ZNHIT6: variants seen among roughly 807,000 people sequenced by gnomAD.
ZNHIT6 encodes the protein zinc finger HIT-type containing 6.
A neutral mutation model predicts 57.2 loss-of-function variants in ZNHIT6; 45 were observed. The observed-to-expected ratio is 0.79, with a 90% confidence interval of 0.62 to 1.01. ZNHIT6 has a LOEUF of 1.01. Ranked by LOEUF, ZNHIT6 falls within the 50% of genes least tolerant of loss-of-function variation. ZNHIT6 has a pLI of 0.00. For synonymous variants in ZNHIT6, 188 were observed against 190.0 expected, an observed-to-expected ratio of 0.99 and a Z score of 0.09; for missense variants, 528 against 567.3, an observed-to-expected ratio of 0.93 and a Z score of 0.70.
intron 5 of ZNHIT6, among the ~76,000 whole-genome samples, chr1:85,688,226 T>A (rs1662120517): frequency 6.6e-6 from 1 of 152,134 alleles, no homozygotes; most frequent in Non-Finnish European, 1.5e-5. Flanking sequence ...AGGTAAAATA[T>A]TATTATTTCA....
intron 8 of ZNHIT6, among the ~76,000 whole-genome samples, chr1:85,668,270 G>A (rs1309655878): frequency 1.3e-5 from 2 of 151,774 alleles, no homozygotes; most frequent in African/African-American, 4.8e-5. Flanking sequence ...CATGATGGAC[G>A]AGCACTGATG....
Position 85,680,835 on chromosome 1 carries a change from C to T in ZNHIT6, c.1088+1G>A. The T allele has an allele frequency of 1.9e-6, 3 of 1,608,432 alleles. No individual in the cohort carries two copies. Among genetic ancestry groups the T allele is most frequent in the South Asian group, 1.1e-5 (1 of 89,658 alleles). On this transcript the variant is annotated splice_donor_variant, in intron 6 of 9. Transcript: ENST00000370574. LOFTEE classifies it high-confidence loss of function. ...CAGTGATTGAAAGATAGCAGTGATACCTTTTTTCTATGTACTCAGCTTGAC... is the reference window on the plus strand; with the variant it reads ...CAGTGATTGAAAGATAGCAGTGATATCTTTTTTCTATGTACTCAGCTTGAC...
Position 85,707,723 on chromosome 1 carries a change from A to T in ZNHIT6, c.562T>A (p.Phe188Ile), listed in dbSNP as rs763016827. 56 of 1,612,430 alleles carry T rather than the reference A, an allele frequency of 3.5e-5. No homozygotes were observed. Among genetic ancestry groups the T allele is most frequent in the Non-Finnish European group, 4.7e-5 (55 of 1,179,552 alleles). Residue 188 changes from phenylalanine (F) to isoleucine (I), a missense_variant, in exon 1 of 10, where the codon TTC (phenylalanine) becomes ATC (isoleucine). Transcript: ENST00000370574. ...TCATCCACGATTTCTTTCTTCAGGA[A>T]ATCCTTCTCTTCTTTTACACACTCT... ...HGECVKEEKD[F>I]LKKEIVDDTK...
chr1:85,659,736 C>T (rs2100648527), intron 8 of ZNHIT6, among the ~76,000 whole-genome samples: 1 of 152,296 alleles, frequency 6.6e-6, no homozygotes, highest in Non-Finnish European at 1.5e-5. Context: ...CTGAGTTTGT[C>T]TCACGCAATC....
Position 85,651,722 on chromosome 1 carries a change from T to C in ZNHIT6, c.*2336A>G, listed in dbSNP as rs903472804. On this transcript the variant is annotated 3_prime_UTR_variant, in exon 10 of 10. Transcript: ENST00000370574. ...TGTGATTCATGAACAAAATGCAGGA[T>C]GCTGAACTTAACATGGGTCAAGGAG... 1 of 152,182 alleles carries C rather than the reference T, an allele frequency of 6.6e-6. No individual in the cohort carries two copies. Among genetic ancestry groups the C allele is most frequent in the Non-Finnish European group, 1.5e-5 (1 of 68,032 alleles). 9.4% of individuals were successfully genotyped at this position (152,182 alleles called of 1,614,324 possible).
At chr1:85,669,293 A>G (rs567713533) in intron 8 of ZNHIT6, among the ~76,000 whole-genome samples, 27 of 152,236 alleles carry the variant, frequency 1.8e-4, no homozygotes, top group African/African-American at 6.0e-4. Flanking sequence ...TCAATTTCTC[A>G]AAAAGGAGAT....
At chr1:85,683,632 TAAGACTG>T (rs1661942622) in intron 5 of ZNHIT6, among the ~76,000 whole-genome samples, 1 of 152,184 alleles carries the variant, frequency 6.6e-6, no homozygotes, top group East Asian at 1.9e-4. Flanking sequence ...GTGTTCTTCT[TAAGACTG>T]AAAGAATTAA....
At chr1:85,697,739 C>A (rs1050211605) in intron 5 of ZNHIT6, among the ~76,000 whole-genome samples, 6 of 152,110 alleles carry the variant, frequency 3.9e-5, no homozygotes, top group Admixed American at 2.6e-4. Flanking sequence ...TAACAACAAA[C>A]AAAATCCCAT....
Position 85,706,232 on chromosome 1 carries a change from T to A in ZNHIT6, c.829+17A>T. 6.2e-7 allele frequency: 1 copy of A among 1,609,812 alleles called. No homozygotes were observed. Among genetic ancestry groups the A allele is most frequent in the African/African-American group, 1.3e-5 (1 of 74,982 alleles). On this transcript the variant is annotated intron_variant, in intron 3 of 9. Transcript: ENST00000370574. ...ATGGCCAGGAAGCCTCAATTTGCTA[T>A]GCATAAAGTGGCTTACCACTTAGGA...
At chr1:85,681,835 TCA>T (rs1661885447) in intron 5 of ZNHIT6, among the ~76,000 whole-genome samples, 1 of 152,134 alleles carries the variant, frequency 6.6e-6, no homozygotes, top group Non-Finnish European at 1.5e-5. Context: ...GTCTAAAATC[TCA>T]GAGGAAAAAA....
chr1:85,691,346 TTGAAA>T (rs1662212944), intron 5 of ZNHIT6, among the ~76,000 whole-genome samples: 2 of 152,242 alleles, frequency 1.3e-5, no homozygotes, highest in South Asian at 2.1e-4. Context: ...TGAGGAATAC[TTGAAA>T]TGAATTATAT....
At chr1:85,659,792 G>T (rs1050180463) in intron 8 of ZNHIT6, among the ~76,000 whole-genome samples, 2 of 152,162 alleles carry the variant, frequency 1.3e-5, no homozygotes, top group Non-Finnish European at 2.9e-5. Flanking sequence ...AAAATGCAGA[G>T]CCAAGCTTAC....
intron 8 of ZNHIT6, among the ~76,000 whole-genome samples, chr1:85,672,013 C>T (rs1316853063): frequency 6.6e-6 from 1 of 152,074 alleles, no homozygotes; most frequent in East Asian, 1.9e-4. Flanking sequence ...GTATACTACA[C>T]AGATTATGTA....
chr1:85,656,077 C>T (rs1661052507), intron 9 of ZNHIT6, among the ~76,000 whole-genome samples: 1 of 152,146 alleles, frequency 6.6e-6, no homozygotes, highest in Non-Finnish European at 1.5e-5. Flanking sequence ...CCTCTTCTTA[C>T]ATAATCCCCT....
intron 4 of ZNHIT6, 146 bp downstream of exon 4, chr1:85,705,932 T>C (rs1400988440): frequency 9.1e-6 from 6 of 655,838 alleles, no homozygotes; most frequent in South Asian, 6.6e-5. Context: ...GGACGGACTT[T>C]GTTTGGGTCA....
chr1:85,660,462 C>G (rs1661194241), intron 8 of ZNHIT6, among the ~76,000 whole-genome samples: 1 of 152,072 alleles, frequency 6.6e-6, no homozygotes. Flanking sequence ...AATTGGGTTT[C>G]TCTAGATTTC....
intron 8 of ZNHIT6, among the ~76,000 whole-genome samples, chr1:85,659,041 C>T (rs569528540): frequency 1.2e-4 from 18 of 152,176 alleles, no homozygotes; most frequent in African/African-American, 3.9e-4. Context: ...TAACTGGTTA[C>T]AAAATTGGCT....
intron 9 of ZNHIT6, among the ~76,000 whole-genome samples, chr1:85,656,283 A>G (rs910980479): frequency 1.3e-5 from 2 of 152,216 alleles, no homozygotes; most frequent in African/African-American, 4.8e-5. Flanking sequence ...TTCTTTGCTA[A>G]CACAGTTCTA....
In ZNHIT6 at chr1:85,700,203, T is replaced by C. The variant is rs558505492; in HGVS notation, c.1019+1954A>G. ...TGTATTATTTTTACAATAGCTACTA[T>C]AAACTGATTCCTTCCCACATGCCAG... On this transcript the variant is annotated intron_variant, in intron 5 of 9. Transcript: ENST00000370574. Among the ~76,000 whole-genome samples the C allele has an allele frequency of 1.1e-4, 17 of 152,308 alleles. No individual in the cohort carries two copies. In the East Asian group the frequency reaches 2.3e-3, roughly 21 times the overall value.
Sources: gnomAD v4.1 joint callset for allele counts (sites outside exome capture counted in the v4.1 genomes callset) on GRCh38, gnomAD v4.1.1 for gene constraint, MANE v1.5 for transcripts, NCBI Gene and HGNC (gene_info 2026-07-23, HGNC 2026-07-21) for gene names.